Variants in PDE1C observed in about 807,000 individuals in gnomAD.
PDE1C encodes the protein dual specificity calcium/calmodulin-dependent 3',5'-cyclic nucleotide phosphodiesterase 1C.
PDE1C carries 62 observed loss-of-function variants against 93.1 expected under a neutral mutation model. The ratio of observed to expected loss-of-function variants is 0.67; its 90% CI spans 0.54 to 0.82. The LOEUF is 0.82. PDE1C is among the 40% of genes least tolerant of loss of function. The pLI is 0.00. For missense variants in PDE1C, 742 were observed against 884.6 expected (o/e 0.84, Z 2.04); for synonymous variants, 325 against 310.1 (o/e 1.05, Z -0.50).
intron 2 of PDE1C, among the ~76,000 whole-genome samples, chr7:31,998,021 TA>T (rs1784954088): frequency 6.7e-6 from 1 of 149,500 alleles, no homozygotes; most frequent in African/African-American, 2.4e-5. Context: ...TTTATTTATT[TA>T]TTTATTTATT....
rs754378229 is a variant in PDE1C, at chr7:31,828,354, A to C, written c.1223T>G (p.Leu408Arg). 9 of 1,612,540 alleles carry C rather than the reference A, an allele frequency of 5.6e-6. No individual in the cohort carries two copies. The highest frequency in any genetic ancestry group is 3.3e-5 in the Admixed American group (2 of 59,916). The change falls in exon 12 of 18, where the codon CTG becomes CGG. Residue 408 changes from leucine to arginine, a missense_variant. By Grantham distance (102) the Leu-to-Arg change is moderately radical (BLOSUM62 -2). This residue lies in a region of PDE1C where 454 missense variants were observed against 459.4 expected (regional missense o/e 0.99). Transcript: ENST00000396191. ...ACACAGAGGAGAAAAAGGCAGCCCC[A>C]GCTCTGCTTCTCTGTCACCCTGGAA... Reference protein sequence around the residue: ...FFRQGDREAELGLPFSPLCDR... With the variant: ...FFRQGDREAERGLPFSPLCDR...
At chr7:32,065,833 G>C (rs1302488660) in intron 1 of PDE1C, among the ~76,000 whole-genome samples, 1 of 152,180 alleles carries the variant, frequency 6.6e-6, no homozygotes, top group Admixed American at 6.5e-5. Flanking sequence ...TACATCAATA[G>C]GGTATTAGTT....
At chr7:32,064,266 C>T (rs1795127835) in intron 1 of PDE1C, among the ~76,000 whole-genome samples, 1 of 152,170 alleles carries the variant, frequency 6.6e-6, no homozygotes, top group Non-Finnish European at 1.5e-5. Context: ...TTGAACATTC[C>T]AGAGGCTACC....
At chr7:31,731,402 T>TGA in the PDE1C span, among the ~76,000 whole-genome samples, 36,951 of 150,878 alleles carry the variant, frequency 0.24, 4,888 homozygotes, top group Middle Eastern at 0.37. Context: ...GCACTTTTTT[T>TGA]GAGAGAGAGA....
intron 1 of PDE1C, among the ~76,000 whole-genome samples, chr7:32,241,076 G>A (rs1354535415): frequency 3.3e-5 from 5 of 152,186 alleles, no homozygotes; most frequent in African/African-American, 4.8e-5. Flanking sequence ...AGTTGGGGGA[G>A]AGGGCCGGAC....
chr7:32,286,249 G>T (rs1385795285), intron 1 of PDE1C, among the ~76,000 whole-genome samples: 3 of 152,206 alleles, frequency 2.0e-5, no homozygotes, highest in African/African-American at 7.2e-5. Flanking sequence ...CTGAAGATAT[G>T]TCCCACAGGT....
chr7:31,769,079 AGCCATCGT>A (rs1409657927), intron 17 of PDE1C, among the ~76,000 whole-genome samples: 19 of 151,872 alleles, frequency 1.3e-4, no homozygotes, highest in Admixed American at 2.0e-4. Flanking sequence ...TATAGGTGTG[AGCCATCGT>A]GCCTGGCCTT....
At chr7:32,030,903 A>C (rs1790219768) in intron 2 of PDE1C, among the ~76,000 whole-genome samples, 1 of 152,020 alleles carries the variant, frequency 6.6e-6, no homozygotes, top group Non-Finnish European at 1.5e-5. Context: ...AAGGTGACCA[A>C]GTGGTCTAAG....
At chr7:31,848,236 A>G (rs1792871060) in intron 8 of PDE1C, 140 bp from the exon 9 acceptor site, 2 of 722,332 alleles carry the variant, frequency 2.8e-6, no homozygotes, top group Non-Finnish European at 4.6e-6. Context: ...ATGAACCAAA[A>G]GCTCAACTAA....
At chr7:32,314,590 A>C (rs1258506673) in intron 1 of PDE1C, among the ~76,000 whole-genome samples, 1 of 152,184 alleles carries the variant, frequency 6.6e-6, no homozygotes. Context: ...ATCATGGGTT[A>C]AGCTCTGTGC....
the PDE1C span, among the ~76,000 whole-genome samples, chr7:31,691,510 A>ATC: frequency 6.6e-6 from 1 of 152,106 alleles, no homozygotes; most frequent in South Asian, 2.1e-4. Flanking sequence ...TTTTCTATAA[A>ATC]TCTCAGCTAA....
At chr7:31,687,309 A>G in the PDE1C span, 1 of 152,208 alleles carries the variant, frequency 6.6e-6, no homozygotes, top group African/African-American at 2.4e-5. Context: ...GCTGATTGGT[A>G]AGTGCTTCAG....
chr7:32,206,934 C>A (rs534131249), intron 2 of PDE1C, among the ~76,000 whole-genome samples: 45 of 152,344 alleles, frequency 3.0e-4, no homozygotes, highest in Admixed American at 2.0e-4. Context: ...GGAAGAGATC[C>A]TCTCTGCTTC....
intron 1 of PDE1C, among the ~76,000 whole-genome samples, chr7:32,406,445 GA>G (rs1409679324): frequency 1.3e-5 from 2 of 148,882 alleles, no homozygotes; most frequent in East Asian, 4.0e-4. Context: ...TACGAGGGAG[GA>G]AAAAAATGCT....
At chr7:31,881,958 C>T (rs183598674) in intron 2 of PDE1C, among the ~76,000 whole-genome samples, 1 of 152,132 alleles carries the variant, frequency 6.6e-6, no homozygotes, top group African/African-American at 2.4e-5. Flanking sequence ...CTCCACTTCC[C>T]GTTGGTATAC....
chr7:32,207,848 C>T (rs1291186148), intron 2 of PDE1C, among the ~76,000 whole-genome samples: 1 of 149,146 alleles, frequency 6.7e-6, no homozygotes, highest in African/African-American at 2.4e-5. Flanking sequence ...GCCCTCCCCC[C>T]AACCTTCGTC....
intron 2 of PDE1C, among the ~76,000 whole-genome samples, chr7:32,016,743 A>C (rs1787963107): frequency 6.6e-6 from 1 of 152,190 alleles, no homozygotes; most frequent in Non-Finnish European, 1.5e-5. Flanking sequence ...AAAGTGAATA[A>C]AATCAAGAAT....
intron 3 of PDE1C, among the ~76,000 whole-genome samples, chr7:32,111,463 G>A (rs1046116942): frequency 6.6e-6 from 1 of 152,166 alleles, no homozygotes; most frequent in Non-Finnish European, 1.5e-5. Context: ...GATGGTGCAG[G>A]AAACAGGGGT....
At chr7:31,677,710 C>A in the PDE1C span, among the ~76,000 whole-genome samples, 2 of 152,126 alleles carry the variant, frequency 1.3e-5, no homozygotes, top group Non-Finnish European at 2.9e-5. Flanking sequence ...TAGGCTTTTT[C>A]TCTAAAGTCA....
Sources: allele counts gnomAD v4.1 joint callset (sites outside exome capture counted in the v4.1 genomes callset), GRCh38; gene constraint gnomAD v4.1.1; regional missense constraint gnomAD v4.1.1; transcripts MANE v1.5; gene names NCBI Gene and HGNC (gene_info 2026-07-23, HGNC 2026-07-21).